COG5: variants seen among roughly 807,000 people sequenced by gnomAD.
COG5 encodes conserved oligomeric Golgi complex subunit 5.
In COG5, 86 loss-of-function variants were observed where a neutral mutation model predicts 110.4. The observed-to-expected ratio is 0.78, with a 90% CI of 0.65 to 0.93. COG5 has a LOEUF of 0.93. Ranked by LOEUF, COG5 falls within the 40% of genes least tolerant of loss-of-function variation. The probability of loss-of-function intolerance (pLI) is 0.00; values close to 1 mark genes in which losing one functional copy is unlikely to be tolerated. For missense variants in COG5, 1,077 were observed against 987.0 expected (o/e 1.09, Z -1.22); for synonymous variants, 360 against 334.6 (o/e 1.08, Z -0.83).
At chr7:107,396,143 T>C (rs1249689501) in intron 7 of COG5, among the ~76,000 whole-genome samples, 2 of 152,208 alleles carry the variant, frequency 1.3e-5, no homozygotes, top group Non-Finnish European at 2.9e-5. Flanking sequence ...AGATAACACA[T>C]GTCTAGAAGA....
chr7:107,388,332 G>A (rs6979492), intron 7 of COG5, among the ~76,000 whole-genome samples: 5,371 of 152,192 alleles, frequency 0.035, 131 homozygotes, highest in Non-Finnish European at 0.051. Flanking sequence ...GAATCAACCC[G>A]GTATGTCATT....
At position 107,280,761 on chromosome 7, in the gene COG5, A is replaced by G. The variant is rs189568300; in HGVS notation, c.1575+539T>C. ...CTTATTATTTTAAATGCATGCATAT[A>G]GCTATTTCAAATAGAATAATTTTAG... On this transcript the variant is annotated intron_variant, in intron 14 of 21. Transcript: ENST00000297135. Among the ~76,000 whole-genome samples the G allele has an allele frequency of 1.9e-4, 29 of 152,180 alleles. No individual in the cohort carries two copies. In the East Asian group the frequency reaches 4.4e-3, roughly 23 times the overall value.
intron 6 of COG5, among the ~76,000 whole-genome samples, chr7:107,509,765 T>G (rs1203772331): frequency 6.6e-6 from 1 of 152,158 alleles, no homozygotes; most frequent in Non-Finnish European, 1.5e-5. Context: ...AAGAAAAGAA[T>G]TTTCAACCCA....
intron 6 of COG5, among the ~76,000 whole-genome samples, chr7:107,502,672 T>A (rs1350281553): frequency 6.6e-6 from 1 of 151,990 alleles, no homozygotes. Flanking sequence ...CACACAAACA[T>A]CTATTGTATT....
At chr7:107,334,365 G>A (rs921328166) in intron 10 of COG5, among the ~76,000 whole-genome samples, 1 of 152,080 alleles carries the variant, frequency 6.6e-6, no homozygotes, top group South Asian at 2.1e-4. Flanking sequence ...TTACAGAAGT[G>A]TTCCAAGCTT....
chr7:107,414,872 T>G (rs539261722), intron 6 of COG5, among the ~76,000 whole-genome samples: 12 of 151,486 alleles, frequency 7.9e-5, no homozygotes, highest in Non-Finnish European at 1.8e-4. Context: ...GGACTACAAG[T>G]GCACGTCACG....
intron 5 of COG5, among the ~76,000 whole-genome samples, chr7:107,529,700 G>A (rs1801042515): frequency 6.6e-6 from 1 of 152,142 alleles, no homozygotes; most frequent in South Asian, 2.1e-4. Flanking sequence ...GTGCCCACGT[G>A]GGACTCTTCC....
intron 6 of COG5, among the ~76,000 whole-genome samples, chr7:107,504,027 T>C (rs1045088577): frequency 9.9e-5 from 15 of 152,116 alleles, no homozygotes; most frequent in African/African-American, 3.4e-4. Context: ...GGACTTCCAG[T>C]ACTATGTTGA....
intron 2 of COG5, among the ~76,000 whole-genome samples, chr7:107,556,773 CTT>C (rs776813038): frequency 5.5e-5 from 8 of 144,674 alleles, no homozygotes; most frequent in Non-Finnish European, 6.1e-5. Context: ...TGTTTTCTTT[CTT>C]TTTTTTTTTT....
chr7:107,483,907 A>G (rs1308844623), intron 6 of COG5, among the ~76,000 whole-genome samples: 1 of 150,686 alleles, frequency 6.6e-6, no homozygotes, highest in African/African-American at 2.4e-5. Context: ...TTTTTCCTAG[A>G]ACAAAGATTC....
In COG5 at chr7:107,211,197, C is replaced by T; in HGVS notation, c.2197G>A (p.Val733Ile). The change falls in exon 20 of 22, where the codon GTA becomes ATA. Residue 733 changes from valine to isoleucine, a missense_variant. Val to Ile is a conservative substitution (Grantham distance 29, BLOSUM62 3). Transcript: ENST00000297135. ...RPLLFQASEHVASSPALGDVI... is the reference protein window; with the variant it reads ...RPLLFQASEHIASSPALGDVI... ...TCCCCCAATGCAGGACTACTGGCTACATGTTCACTTGCCTGGAAGAGCAGA... is the reference window on the plus strand; with the variant it reads ...TCCCCCAATGCAGGACTACTGGCTATATGTTCACTTGCCTGGAAGAGCAGA... 6.2e-7 allele frequency: 1 copy of T among 1,614,084 alleles called. No homozygotes were observed. The highest frequency in any genetic ancestry group is 8.5e-7 in the Non-Finnish European group (1 of 1,179,952).
chr7:107,510,242 G>T (rs1488451617), intron 6 of COG5, among the ~76,000 whole-genome samples: 4 of 152,048 alleles, frequency 2.6e-5, no homozygotes, highest in Admixed American at 2.6e-4. Context: ...GGCAGGGGTT[G>T]CAATCCTAGT....
At chr7:107,558,406 T>A (rs1387811559) in intron 1 of COG5, among the ~76,000 whole-genome samples, 1 of 151,538 alleles carries the variant, frequency 6.6e-6, no homozygotes, top group African/African-American at 2.4e-5. Flanking sequence ...AAGACCAGCC[T>A]GGCCAACATG....
rs552455415 is a variant in COG5 at position 107,372,757 on chromosome 7, G to A, written c.673C>T (p.Pro225Ser). 7.4e-6 allele frequency: 12 copies of A among 1,613,216 alleles called. No homozygotes were observed. The South Asian group carries it at 1.3e-4, about 18-fold the overall frequency. ...TGAAGAGCTGTTCCGACTTGAGTTG[G>A]ATTCTTAAAAAAAGGTGGGGTGGGG... is the stretch of plus-strand genomic sequence containing the variant. Reference protein sequence around the residue: ...LLEQGLETQNPTQVGTALQVF... With the variant: ...LLEQGLETQNSTQVGTALQVF... The change falls in exon 8 of 22, where the codon CCA (proline) becomes TCA (serine). Residue 225 changes from proline (P) to serine (S), a missense_variant. By Grantham distance (74) the Pro-to-Ser change is moderately conservative. Coordinates refer to ENST00000297135, the MANE Select transcript of COG5 (RefSeq NM_006348.5).
chr7:107,262,868 G>A (rs763980496), intron 14 of COG5, among the ~76,000 whole-genome samples: 13 of 152,038 alleles, frequency 8.6e-5, no homozygotes, highest in Admixed American at 2.6e-4. Context: ...TCTGTAACAC[G>A]GAACTAATAA....
chr7:107,409,663 T>C (rs1039162278), intron 7 of COG5, among the ~76,000 whole-genome samples: 4 of 152,158 alleles, frequency 2.6e-5, no homozygotes, highest in African/African-American at 9.7e-5. Context: ...AGGTTGAAGA[T>C]TCAGATAAGC....
At chr7:107,389,273 G>A (rs1429938171) in intron 7 of COG5, among the ~76,000 whole-genome samples, 1 of 149,268 alleles carries the variant, frequency 6.7e-6, no homozygotes, top group Non-Finnish European at 1.5e-5. Flanking sequence ...CTATAATAAC[G>A]TGACTGCTTG....
At chr7:107,259,000 CTG>C (rs558372306) in intron 14 of COG5, among the ~76,000 whole-genome samples, 192 of 152,052 alleles carry the variant, frequency 1.3e-3, no homozygotes, top group Middle Eastern at 0.01. Flanking sequence ...CAAAATTATA[CTG>C]TGTATAGATG....
At chr7:107,514,074 G>T (rs1030300589) in intron 6 of COG5, among the ~76,000 whole-genome samples, 67 of 151,236 alleles carry the variant, frequency 4.4e-4, no homozygotes, top group Non-Finnish European at 8.6e-4. Flanking sequence ...TAAAATAAAA[G>T]AATATTCTCT....
Sources: gnomAD v4.1 joint callset for allele counts (sites outside exome capture counted in the v4.1 genomes callset) on GRCh38, gnomAD v4.1.1 for gene constraint, MANE v1.5 for transcripts, NCBI Gene and HGNC (gene_info 2026-07-23, HGNC 2026-07-21) for gene names.